The following PUDP variants were observed in gnomAD, a reference collection of about 807,000 sequenced individuals.
The protein encoded by PUDP is pseudouridine 5'-phosphatase.
Under a neutral mutation model 9.4 loss-of-function variants are expected in PUDP, and 8 were observed. The observed-to-expected ratio is 0.85, with a 90% CI of 0.50 to 1.53. The LOEUF is 1.53. Ranked by LOEUF, PUDP falls within the 40% of genes most tolerant of loss-of-function variation. The pLI is 0.00. For missense variants in PUDP, 188 were observed against 189.7 expected, an observed-to-expected ratio of 0.99 and a Z score of 0.05; for synonymous variants, 99 against 80.7, an observed-to-expected ratio of 1.23 and a Z score of -1.22.
intron 1 of PUDP, among the ~76,000 whole-genome samples, chrX:6,991,941 T>C (rs1464258671): frequency 9.0e-6 from 1 of 111,584 alleles, no homozygotes; most frequent in Non-Finnish European, 1.9e-5. Context: ...AATTTGAGAC[T>C]GTAACAAACA....
intron 3 of PUDP, among the ~76,000 whole-genome samples, chrX:6,905,324 T>C (rs960469756): frequency 9.0e-6 from 1 of 111,492 alleles, no homozygotes; most frequent in Non-Finnish European, 1.9e-5. Context: ...ATCAGGATCA[T>C]AGTAGCAAGT....
intron 3 of PUDP, among the ~76,000 whole-genome samples, chrX:6,769,890 T>G (rs1309567755): frequency 1.8e-5 from 2 of 112,266 alleles, no homozygotes; most frequent in East Asian, 5.6e-4. Flanking sequence ...CTGTTTGCAC[T>G]GTGGGGTCTG....
chrX:7,048,468 A>G (rs1930015131), downstream of PUDP, among the ~76,000 whole-genome samples: 1 of 112,577 alleles, frequency 8.9e-6, no homozygotes, highest in African/African-American at 3.2e-5. Context: ...GTGGAAGAAT[A>G]AAAAAGAACG....
rs776910489 is a variant in PUDP at position 6,933,591 on chromosome X, G to A, written c.*247+43542C>T. Among the ~76,000 whole-genome samples, 62 of 111,952 alleles carry A rather than the reference G, an allele frequency of 5.5e-4. No individual in the cohort carries two copies. The South Asian group carries it at 5.7e-3, about 10-fold the overall frequency. ...AAAGCAGAGCGCCTCTCCTCCAAAG[G>A]AACGCAGTTCCTCACCAGCAATGGA... On this transcript the variant is annotated intron_variant and NMD_transcript_variant, in intron 3 of 3. Coordinates refer to the PUDP transcript ENST00000655425.
chrX:6,736,044 A>G (rs1924868036), intron 3 of PUDP, among the ~76,000 whole-genome samples: 1 of 109,695 alleles, frequency 9.1e-6, no homozygotes, highest in Admixed American at 9.8e-5. Context: ...AAAAAAAAAA[A>G]AAGAAGCAAG....
intron 1 of PUDP, among the ~76,000 whole-genome samples, chrX:7,135,185 G>C (rs1932711936): frequency 8.9e-6 from 1 of 111,772 alleles, no homozygotes; most frequent in Non-Finnish European, 1.9e-5. Context: ...CCAGTAGGCA[G>C]AAGTCAGCTG....
chrX:6,825,562 G>C (rs1187558137), intron 3 of PUDP, among the ~76,000 whole-genome samples: 1 of 111,403 alleles, frequency 9.0e-6, no homozygotes, highest in East Asian at 2.8e-4. Flanking sequence ...GCACCTCCTG[G>C]AATATGACTT....
At position 6,888,366 on chromosome X, in the gene PUDP, G is replaced by A. The variant is rs993357960; in HGVS notation, c.*247+88767C>T. ...TTTATCAAGAGGAAATTTGGGCCAG[G>A]TGCAGTAGCTCACACCTGTAATCCC... On this transcript the variant is annotated intron_variant and NMD_transcript_variant, in intron 3 of 3. Transcript: ENST00000655425. Among the ~76,000 whole-genome samples the A allele has an allele frequency of 1.8e-4, 20 of 110,598 alleles. 1 individual carries two copies.
chrX:6,874,299 G>A (rs992753463), intron 3 of PUDP, among the ~76,000 whole-genome samples: 17 of 111,486 alleles, frequency 1.5e-4, no homozygotes, highest in South Asian at 3.8e-4. Context: ...ATAACTAACC[G>A]CTTAATATCT....
chrX:6,716,529 C>T (rs893669085), intron 1 of PUDP, among the ~76,000 whole-genome samples: 4 of 111,924 alleles, frequency 3.6e-5, no homozygotes, highest in South Asian at 3.7e-4. Context: ...TAAACTGAGA[C>T]GTGAACCATG....
intron 3 of PUDP, among the ~76,000 whole-genome samples, chrX:6,764,178 A>T (rs1925257975): frequency 9.0e-6 from 1 of 111,730 alleles, no homozygotes; most frequent in Admixed American, 9.5e-5. Context: ...AGGCAGAGAG[A>T]TCCCTGCTAA....
At chrX:7,082,855 G>T (rs1243863948) in intron 2 of PUDP, among the ~76,000 whole-genome samples, 1 of 112,945 alleles carries the variant, frequency 8.9e-6, no homozygotes, top group Non-Finnish European at 1.9e-5. Flanking sequence ...CAAAAGCTTT[G>T]TGTGACTGAG....
intron 3 of PUDP, among the ~76,000 whole-genome samples, chrX:6,777,520 A>G (rs1925485516): frequency 8.9e-6 from 1 of 112,112 alleles, no homozygotes; most frequent in South Asian, 3.7e-4. Flanking sequence ...ACATATGCAT[A>G]TTTTGCAACT....
At chrX:7,028,152 T>A (rs1929745177) in intron 1 of PUDP, among the ~76,000 whole-genome samples, 1 of 108,396 alleles carries the variant, frequency 9.2e-6, no homozygotes, top group African/African-American at 3.3e-5. Flanking sequence ...ATATATATAA[T>A]AGATACATAG....
At chrX:6,800,824 T>C (rs1030628155) in intron 3 of PUDP, among the ~76,000 whole-genome samples, 1 of 111,844 alleles carries the variant, frequency 8.9e-6, no homozygotes, top group Non-Finnish European at 1.9e-5. Flanking sequence ...GTTAACAACC[T>C]AGACTTGCCT....
intron 3 of PUDP, among the ~76,000 whole-genome samples, chrX:6,945,922 G>A (rs1278471702): frequency 9.0e-6 from 1 of 111,109 alleles, no homozygotes; most frequent in Non-Finnish European, 1.9e-5. Flanking sequence ...ACGACGAGAC[G>A]GGGTGTCAGA....
chrX:6,896,387 A>G (rs887253543), intron 3 of PUDP, among the ~76,000 whole-genome samples: 1 of 112,149 alleles, frequency 8.9e-6, no homozygotes, highest in African/African-American at 3.2e-5. Flanking sequence ...GGTCCTTAAC[A>G]TTGTTTAAAT....
intron 3 of PUDP, among the ~76,000 whole-genome samples, chrX:7,058,858 T>C (rs1298161183): frequency 1.8e-5 from 2 of 111,485 alleles, no homozygotes; most frequent in African/African-American, 6.5e-5. Context: ...CTGCTCTCCC[T>C]TCCTTCATCC....
chrX:7,069,174 G>T (rs756647160), intron 3 of PUDP, among the ~76,000 whole-genome samples: 3 of 111,891 alleles, frequency 2.7e-5, no homozygotes, highest in Non-Finnish European at 5.6e-5. Flanking sequence ...CCAGCAGAGG[G>T]AGACGTTGCA....
Sources: allele counts gnomAD v4.1 joint callset (sites outside exome capture counted in the v4.1 genomes callset), GRCh38; gene constraint gnomAD v4.1.1; transcripts MANE v1.5; gene names NCBI Gene and HGNC (gene_info 2026-07-23, HGNC 2026-07-21).